Variants in CUX1 observed in about 807,000 individuals in gnomAD.
CUX1 encodes the protein cut like homeobox 1.
A neutral mutation model predicts 158.8 loss-of-function variants in CUX1; 31 were observed. That is an observed-to-expected ratio of 0.20 (90% CI 0.15 to 0.26). The LOEUF (loss-of-function observed/expected upper bound fraction) is 0.26. Among genes scored for constraint, CUX1 ranks in the 10% least tolerant of loss-of-function variants. The probability of loss-of-function intolerance (pLI) is 1.00; values close to 1 mark genes in which losing one functional copy is unlikely to be tolerated. For missense variants in CUX1, 1,589 were observed against 2,014.6 expected (o/e 0.79, Z 4.04); for synonymous variants, 879 against 862.1 (o/e 1.02, Z -0.34).
chr7:102,217,193 C>T (rs1317498522), intron 20 of CUX1, among the ~76,000 whole-genome samples: 1 of 152,238 alleles, frequency 6.6e-6, no homozygotes, highest in Non-Finnish European at 1.5e-5. Context: ...GTCCCTTCAG[C>T]AATCTGGCCA....
rs149815590 is a variant in CUX1, at chr7:102,192,975, G to A, written c.1077-867G>A. 4.8e-4 allele frequency among the ~76,000 whole-genome samples: 73 copies of A among 152,296 alleles called. 1 individual carries two copies. The highest frequency in any genetic ancestry group is 9.3e-4 in the Non-Finnish European group (63 of 68,024). On this transcript the variant is annotated intron_variant, in intron 12 of 23. Coordinates refer to ENST00000292535, the MANE Select transcript of CUX1 (RefSeq NM_181552.4). The stretch of plus-strand genomic sequence containing the variant: ...CCAGAGACCGTAGTGATCAGGGTGC[G>A]GCCCTTTTCAGTGCCATTGAGAACA...
At position 102,070,427 on chromosome 7, in the gene CUX1, G is replaced by C. The variant is rs368974710; in HGVS notation, c.268+10G>C. ...TTGATTGACGTCCCAGGTAAGCCCCGGCAGTAATGGCCCACCAGTGGGGGG... is the reference window on the plus strand; with the variant it reads ...TTGATTGACGTCCCAGGTAAGCCCCCGCAGTAATGGCCCACCAGTGGGGGG... On this transcript the variant is annotated intron_variant, in intron 4 of 23. Coordinates refer to ENST00000292535, the MANE Select transcript of CUX1 (RefSeq NM_181552.4). 6.2e-7 allele frequency: 1 copy of C among 1,603,144 alleles called. No individual in the cohort carries two copies. Among genetic ancestry groups the C allele is most frequent in the Non-Finnish European group, 8.5e-7 (1 of 1,175,444 alleles).
At position 102,251,690 on chromosome 7, in the gene CUX1, GC is replaced by G. The variant is rs1325146565; in HGVS notation, c.*2651del. The G allele has an allele frequency of 1.0e-5, 10 of 985,286 alleles. No individual in the cohort carries two copies. Among genetic ancestry groups the G allele is most frequent in the South Asian group, 4.7e-5 (1 of 21,286 alleles). The allele number at this position is 985,286 out of a possible 1,614,324, so 61.0% of individuals were successfully genotyped here. On this transcript the variant is annotated 3_prime_UTR_variant, in exon 24 of 24. Coordinates refer to ENST00000292535, the MANE Select transcript of CUX1 (RefSeq NM_181552.4). ...GACCCTTAGGACAGTGAGTGGCAGA[GC>G]CCTGACGACTGTGGTGTCCTCTCCA...
At chr7:102,150,425 G>A (rs942255445) in intron 8 of CUX1, among the ~76,000 whole-genome samples, 4 of 152,224 alleles carry the variant, frequency 2.6e-5, no homozygotes, top group African/African-American at 4.8e-5. Flanking sequence ...CAAAGTGCTA[G>A]GATTACAGGC....
intron 12 of CUX1, among the ~76,000 whole-genome samples, chr7:102,190,238 G>A (rs1270045387): frequency 2.6e-5 from 4 of 152,208 alleles, no homozygotes; most frequent in Middle Eastern, 3.2e-3. Flanking sequence ...CGGGTTGAAG[G>A]TGGGCATATG....
intron 8 of CUX1, among the ~76,000 whole-genome samples, chr7:102,148,366 C>T (rs1835236657): frequency 6.6e-6 from 1 of 152,064 alleles, no homozygotes; most frequent in South Asian, 2.1e-4. Context: ...TGGTGAAACC[C>T]CGTCTCTACT....
At position 102,178,489 on chromosome 7, in the gene CUX1, G is replaced by A. The variant is rs1554512710; in HGVS notation, c.849G>A (p.Leu283=). The A allele has an allele frequency of 6.2e-7, 1 of 1,609,272 alleles. No individual in the cohort carries two copies. Among genetic ancestry groups the A allele is most frequent in the East Asian group, 2.2e-5 (1 of 44,714 alleles). The change falls in exon 11 of 24, where the codon CTG becomes CTA. Residue 283 remains leucine (L), a synonymous_variant. Transcript: ENST00000292535. ...CCCAGGAGCAGGCCATAGAGGTGCTGACCCGCTCCAGCCTAGAAGTTGAGT... is the reference window on the plus strand; with the variant it reads ...CCCAGGAGCAGGCCATAGAGGTGCTAACCCGCTCCAGCCTAGAAGTTGAGT... ...APDVEQAIEV[L]TRSSLEVELA... is the part of the protein sequence containing the mutation.
chr7:102,074,621 A>T (rs910967979), intron 4 of CUX1, among the ~76,000 whole-genome samples: 1 of 152,004 alleles, frequency 6.6e-6, no homozygotes, highest in African/African-American at 2.4e-5. Flanking sequence ...AATTCCCGCC[A>T]CTCCCACTGA....
intron 8 of CUX1, among the ~76,000 whole-genome samples, chr7:102,156,688 CA>C (rs1487849615): frequency 6.6e-6 from 1 of 152,106 alleles, no homozygotes; most frequent in Non-Finnish European, 1.5e-5. Context: ...GACCATGGAG[CA>C]GGTTTCGGAA....
intron 1 of CUX1, among the ~76,000 whole-genome samples, chr7:101,844,528 A>T (rs1339859246): frequency 3.9e-5 from 6 of 152,066 alleles, no homozygotes; most frequent in Admixed American, 1.3e-4. Context: ...GGACAGTGTG[A>T]TTCTTACTGC....
At chr7:101,837,159 G>T (rs763741083) in intron 1 of CUX1, among the ~76,000 whole-genome samples, 7 of 152,144 alleles carry the variant, frequency 4.6e-5, no homozygotes, top group Non-Finnish European at 8.8e-5. Context: ...CGGGGTGCAG[G>T]TATATTTGAG....
chr7:102,111,542 CG>C (rs1830879905), intron 6 of CUX1, among the ~76,000 whole-genome samples, 155 bp from the exon 7 acceptor site: 2 of 152,320 alleles, frequency 1.3e-5, no homozygotes, highest in African/African-American at 4.8e-5. Flanking sequence ...GCTGCGGGAG[CG>C]GGGCCCACGG....
At chr7:101,871,057 G>C (rs1327441173) in intron 1 of CUX1, among the ~76,000 whole-genome samples, 1 of 152,166 alleles carries the variant, frequency 6.6e-6, no homozygotes, top group East Asian at 1.9e-4. Flanking sequence ...TCCCTGTCAT[G>C]TTTTCTTCTC....
rs554124441 is a variant in CUX1, at chr7:101,818,723, G to A, written c.30+1054G>A. Among the ~76,000 whole-genome samples the A allele has an allele frequency of 4.3e-4, 65 of 152,266 alleles. 1 individual carries two copies. In the South Asian group the frequency reaches 0.01, roughly 24 times the overall value. On this transcript the variant is annotated intron_variant, in intron 1 of 23. Coordinates refer to ENST00000292535, the MANE Select transcript of CUX1 (RefSeq NM_181552.4). ...GGGTTTGCAAACTTTAGTCGAATAC[G>A]GAATGTCAAAGTTCAAGTCTCAGGC...
At chr7:102,142,967 TAAC>T (rs1247326822) in intron 8 of CUX1, among the ~76,000 whole-genome samples, 4 of 152,070 alleles carry the variant, frequency 2.6e-5, no homozygotes, top group African/African-American at 7.2e-5. Flanking sequence ...AGTAAAGAAG[TAAC>T]AACCGGTCCC....
intron 1 of CUX1, among the ~76,000 whole-genome samples, chr7:101,905,860 T>A (rs1052350969): frequency 6.6e-6 from 1 of 152,154 alleles, no homozygotes; most frequent in Non-Finnish European, 1.5e-5. Flanking sequence ...TCTTTCTTTT[T>A]ATTTTTTTAA....
chr7:102,179,139 C>A (rs1278318257), intron 11 of CUX1, among the ~76,000 whole-genome samples: 1 of 152,190 alleles, frequency 6.6e-6, no homozygotes, highest in Non-Finnish European at 1.5e-5. Flanking sequence ...CCTCCACCTC[C>A]CAGGTTCAAG....
chr7:102,020,881 G>GAAA (rs398067126), intron 2 of CUX1, among the ~76,000 whole-genome samples: 1 of 130,580 alleles, frequency 7.7e-6, no homozygotes, highest in Non-Finnish European at 1.7e-5. Flanking sequence ...ACTCGGTTTG[G>GAAA]AAAAAAAAAA....
chr7:102,183,333 T>C (rs555774064), intron 11 of CUX1, among the ~76,000 whole-genome samples: 66 of 152,136 alleles, frequency 4.3e-4, no homozygotes, highest in Non-Finnish European at 3.1e-4. Context: ...AATTTTTTTT[T>C]TTTTAATGAG....
Sources: allele counts gnomAD v4.1 joint callset (sites outside exome capture counted in the v4.1 genomes callset), GRCh38; gene constraint gnomAD v4.1.1; transcripts MANE v1.5; gene names NCBI Gene and HGNC (gene_info 2026-07-23, HGNC 2026-07-21).